Variants in MYO10 observed in about 807,000 individuals in gnomAD.
The protein encoded by MYO10 is unconventional myosin-X.
In MYO10, 133 loss-of-function variants were observed where a neutral mutation model predicts 257.3. That is an observed-to-expected ratio of 0.52 (90% CI 0.45 to 0.60). The LOEUF is 0.60. Among genes scored for constraint, MYO10 ranks in the 20% least tolerant of loss-of-function variants. MYO10 has a pLI of 0.00. For synonymous variants in MYO10, 1,104 were observed against 1,028.6 expected (o/e 1.07, Z -1.40); for missense variants, 2,399 against 2,635.7 (o/e 0.91, Z 1.97).
In MYO10 at chr5:16,666,505, A is replaced by G; in HGVS notation, c.*187T>C. 1 of 550,224 alleles carries G rather than the reference A, an allele frequency of 1.8e-6. No homozygotes were observed. Among genetic ancestry groups the G allele is most frequent in the Non-Finnish European group, 3.2e-6 (1 of 310,262 alleles). The allele number at this position is 550,224 out of a possible 1,614,324, so 34.1% of individuals were successfully genotyped here. A position where few individuals can be genotyped will look rare whatever the true frequency, so the allele number is the denominator to read the frequency against. On this transcript the variant is annotated 3_prime_UTR_variant, in exon 41 of 41. Transcript: ENST00000513610. ...AACTGTGCAGACTGTTAAAGTTGAC[A>G]GCTTAATACAGGATCAATGAAGGCG...
chr5:16,742,103 C>T (rs1740036434), intron 19 of MYO10: 1 of 985,148 alleles, frequency 1.0e-6, no homozygotes, highest in Non-Finnish European at 1.2e-6. Context: ...ATTTCAGGGC[C>T]CAAAGATTCT....
At chr5:16,705,085 A>G (rs1738269807) in intron 21 of MYO10, among the ~76,000 whole-genome samples, 1 of 152,240 alleles carries the variant, frequency 6.6e-6, no homozygotes. Context: ...TCAGAGATAC[A>G]GAAAGCAGAG....
chr5:16,743,371 G>A (rs755023082), intron 19 of MYO10, among the ~76,000 whole-genome samples: 7 of 152,050 alleles, frequency 4.6e-5, no homozygotes, highest in East Asian at 1.9e-4. Flanking sequence ...AGCTGGACAC[G>A]GTGGCTTACG....
intron 1 of MYO10, among the ~76,000 whole-genome samples, chr5:16,920,584 G>A (rs552746372): frequency 1.3e-5 from 2 of 152,324 alleles, no homozygotes; most frequent in African/African-American, 4.8e-5. Context: ...GTGACTGCTG[G>A]TGGTTGTACA....
intron 3 of MYO10, among the ~76,000 whole-genome samples, chr5:16,799,556 A>G (rs920365587): frequency 6.6e-6 from 1 of 151,878 alleles, no homozygotes; most frequent in African/African-American, 2.4e-5. Context: ...ACAGTGGCAC[A>G]ATCTCGGCTC....
chr5:16,774,312 A>C (rs921280753), intron 9 of MYO10, among the ~76,000 whole-genome samples: 31 of 152,360 alleles, frequency 2.0e-4, no homozygotes, highest in African/African-American at 7.5e-4. Flanking sequence ...AGAAGAAGTC[A>C]ACAAATGGTG....
chr5:16,705,976 G>A (rs1738312890), intron 21 of MYO10, among the ~76,000 whole-genome samples: 1 of 152,284 alleles, frequency 6.6e-6, no homozygotes, highest in Admixed American at 6.5e-5. Context: ...GAGGTCAGGA[G>A]TTGGGAGACC....
intron 4 of MYO10, among the ~76,000 whole-genome samples, chr5:16,783,763 G>A (rs906937204): frequency 6.6e-6 from 1 of 152,172 alleles, no homozygotes; most frequent in Admixed American, 6.5e-5. Flanking sequence ...GGTAAGCTCT[G>A]GGAAAGAGGG....
chr5:16,785,099 C>G (rs1401346075), intron 4 of MYO10, among the ~76,000 whole-genome samples: 1 of 152,196 alleles, frequency 6.6e-6, no homozygotes, highest in African/African-American at 2.4e-5. Flanking sequence ...AAAGCAAAAG[C>G]CAAGAAAATC....
chr5:16,684,977 C>T (rs530536287), intron 29 of MYO10, among the ~76,000 whole-genome samples: 84 of 151,784 alleles, frequency 5.5e-4, no homozygotes, highest in Admixed American at 9.8e-4. Context: ...AACCTGGAGG[C>T]GGAGGTTGCA....
chr5:16,767,191 GAC>G, intron 10 of MYO10, among the ~76,000 whole-genome samples: 1 of 92,390 alleles, frequency 1.1e-5, no homozygotes, highest in Admixed American at 1.3e-4. Context: ...TTTTTTTTGA[GAC>G]AGAGTCTTGC....
intron 4 of MYO10, among the ~76,000 whole-genome samples, chr5:16,790,978 A>G (rs1391125611): frequency 2.0e-5 from 3 of 151,904 alleles, no homozygotes; most frequent in Non-Finnish European, 4.4e-5. Context: ...TGTACACAAA[A>G]ATGGCAAAAT....
chr5:16,769,183 C>A lies in MYO10; in HGVS notation c.951G>T (p.Gln317His). ...CTTCCCGAACTTCCTCCTTGCTGAA[C>A]TGCATCACGTCCATTGCCGTCTAGA... ...REVITAMDVM[Q>H]FSKEEVREVS... The change falls in exon 10 of 41, where the codon CAG (glutamine) becomes CAT (histidine). Residue 317 changes from glutamine (Q) to histidine (H), a missense_variant. By Grantham distance (24) the Gln-to-His change is conservative. This residue lies in a region of MYO10 where 337 missense variants were observed against 446.8 expected (regional missense o/e 0.75). Transcript: ENST00000513610. 6.2e-7 allele frequency: 1 copy of A among 1,610,816 alleles called. No homozygotes were observed. The highest frequency in any genetic ancestry group is 8.5e-7 in the Non-Finnish European group (1 of 1,178,784).
intron 2 of MYO10, among the ~76,000 whole-genome samples, chr5:16,829,066 C>T (rs2126716089): frequency 6.6e-6 from 1 of 152,276 alleles, no homozygotes; most frequent in East Asian, 1.9e-4. Flanking sequence ...ATAGGCAATC[C>T]TGACAGTGCA....
intron 2 of MYO10, among the ~76,000 whole-genome samples, chr5:16,820,894 T>C (rs963782237): frequency 5.4e-5 from 8 of 148,766 alleles, no homozygotes; most frequent in Non-Finnish European, 1.2e-4. Flanking sequence ...TTATATGTAA[T>C]ACATATATCT....
chr5:16,738,786 G>A (rs145076000), intron 19 of MYO10, among the ~76,000 whole-genome samples: 3 of 151,552 alleles, frequency 2.0e-5, no homozygotes, highest in African/African-American at 4.9e-5. Flanking sequence ...AGCTACTCAG[G>A]AGGCTGAGGC....
At position 16,851,097 on chromosome 5, in the gene MYO10, C is replaced by A. The variant is rs1017738881; in HGVS notation, c.120+26512G>T. ...GGGATTACAGGTGTGAGCCACCACA[C>A]CTGGCTTCAAATGCCTTTTAACCAA... On this transcript the variant is annotated intron_variant, in intron 2 of 40. Transcript: ENST00000513610. Among the ~76,000 whole-genome samples, 7 of 152,280 alleles carry A rather than the reference C, an allele frequency of 4.6e-5. No homozygotes were observed. In the East Asian group the frequency reaches 1.2e-3, roughly 25 times the overall value.
At chr5:16,796,246 C>T (rs988589355) in intron 3 of MYO10, among the ~76,000 whole-genome samples, 3 of 117,172 alleles carry the variant, frequency 2.6e-5, no homozygotes, top group African/African-American at 9.7e-5. Flanking sequence ...AGCGAGCGTG[C>T]GAGAGAGAGA....
At chr5:16,912,988 CA>C (rs5866219) in intron 1 of MYO10, among the ~76,000 whole-genome samples, 122,743 of 138,634 alleles carry the variant, frequency 0.89, 54,013 homozygotes, top group East Asian at 0.95. Flanking sequence ...TGTTTATTCC[CA>C]AAAAAAAAAA....
Sources: allele counts gnomAD v4.1 joint callset (sites outside exome capture counted in the v4.1 genomes callset), GRCh38; gene constraint gnomAD v4.1.1; regional missense constraint gnomAD v4.1.1; transcripts MANE v1.5; gene names NCBI Gene and HGNC (gene_info 2026-07-23, HGNC 2026-07-21).